The following NRG3 variants were observed in gnomAD, a reference collection of about 807,000 sequenced individuals.
The protein encoded by NRG3 is neuregulin 3.
NRG3 carries 31 observed loss-of-function variants against 66.9 expected under a neutral mutation model. That is an observed-to-expected ratio of 0.46 (90% CI 0.35 to 0.63). The LOEUF (loss-of-function observed/expected upper bound fraction) is 0.63, where lower values mean the gene tolerates loss of function less well. NRG3 is among the 20% of genes least tolerant of loss of function. The probability of loss-of-function intolerance (pLI) is 0.00; values close to 1 mark genes in which losing one functional copy is unlikely to be tolerated. For synonymous variants in NRG3, 393 were observed against 359.4 expected (o/e 1.09, Z -1.06); for missense variants, 910 against 878.9 (o/e 1.04, Z -0.45).
intron 4 of NRG3, among the ~76,000 whole-genome samples, chr10:82,917,170 C>T (rs1431011194): frequency 6.6e-6 from 1 of 152,118 alleles, no homozygotes; most frequent in Non-Finnish European, 1.5e-5. Context: ...TAAACAGGGT[C>T]CTAATATTGG....
intron 3 of NRG3, among the ~76,000 whole-genome samples, chr10:82,854,613 G>C (rs2063718507): frequency 6.6e-6 from 1 of 152,098 alleles, no homozygotes; most frequent in Non-Finnish European, 1.5e-5. Flanking sequence ...TTTAACGATG[G>C]ACAAGCCCGA....
intron 1 of NRG3, among the ~76,000 whole-genome samples, chr10:82,189,275 A>G (rs1214789311): frequency 1.3e-5 from 2 of 152,184 alleles, no homozygotes; most frequent in Non-Finnish European, 2.9e-5. Context: ...CAGAGATTTT[A>G]CCAAAATAAT....
At chr10:82,479,414 A>C (rs1162367098) in intron 2 of NRG3, among the ~76,000 whole-genome samples, 1 of 151,922 alleles carries the variant, frequency 6.6e-6, no homozygotes, top group Non-Finnish European at 1.5e-5. Context: ...TAGTAAAAAA[A>C]CTGGCCGGGC....
chr10:82,961,516 C>G (rs1850638697), intron 6 of NRG3, among the ~76,000 whole-genome samples: 1 of 152,182 alleles, frequency 6.6e-6, no homozygotes, highest in South Asian at 2.1e-4. Context: ...AGCTGAAAGA[C>G]AAACCAACAT....
chr10:82,412,209 T>TTG (rs1165957906), intron 2 of NRG3, among the ~76,000 whole-genome samples: 1 of 152,212 alleles, frequency 6.6e-6, no homozygotes, highest in Non-Finnish European at 1.5e-5. Flanking sequence ...GGAATTGTTT[T>TTG]AATTCAGTTG....
chr10:82,951,694 G>C, intron 5 of NRG3, 123 bp downstream of exon 5: 4 of 754,432 alleles, frequency 5.3e-6, no homozygotes, highest in Non-Finnish European at 8.9e-6. Context: ...GCAACAATCT[G>C]CAAGTGACTT....
chr10:82,483,981 T>C (rs1405233626), intron 2 of NRG3, among the ~76,000 whole-genome samples: 2 of 152,284 alleles, frequency 1.3e-5, no homozygotes, highest in East Asian at 1.9e-4. Context: ...GGAAATGTAA[T>C]TATAGTTCAA....
At chr10:82,531,994 G>A (rs573303502) in intron 2 of NRG3, among the ~76,000 whole-genome samples, 102 of 151,774 alleles carry the variant, frequency 6.7e-4, no homozygotes, top group African/African-American at 2.3e-3. Context: ...CTATAAATTT[G>A]ATTATTCTTT....
At chr10:82,820,727 A>G (rs1200926862) in intron 3 of NRG3, among the ~76,000 whole-genome samples, 1 of 152,224 alleles carries the variant, frequency 6.6e-6, no homozygotes, top group Non-Finnish European at 1.5e-5. Flanking sequence ...TAAAAAAACT[A>G]GCTATTTCTA....
intron 1 of NRG3, among the ~76,000 whole-genome samples, chr10:82,075,498 T>C (rs1455368702): frequency 1.3e-5 from 2 of 152,192 alleles, no homozygotes; most frequent in Admixed American, 6.5e-5. Context: ...GTGAATCTCA[T>C]GGTCAGCCCT....
At chr10:82,098,334 A>T (rs934072283) in intron 1 of NRG3, among the ~76,000 whole-genome samples, 8 of 149,192 alleles carry the variant, frequency 5.4e-5, no homozygotes, top group African/African-American at 2.1e-4. Context: ...TATATATATG[A>T]CATATATATA....
intron 1 of NRG3, among the ~76,000 whole-genome samples, chr10:82,333,282 C>T (rs1203604787): frequency 6.6e-6 from 1 of 152,170 alleles, no homozygotes; most frequent in Non-Finnish European, 1.5e-5. Context: ...AAATAGCCGC[C>T]ACACAAGGCA....
chr10:82,958,730 C>A (rs1210657986), intron 5 of NRG3, among the ~76,000 whole-genome samples: 1 of 152,122 alleles, frequency 6.6e-6, no homozygotes, highest in Non-Finnish European at 1.5e-5. Context: ...TGGGGTGCCA[C>A]TGAATGTGAA....
At chr10:81,922,754 G>T (rs1178698822) in intron 1 of NRG3, among the ~76,000 whole-genome samples, 1 of 152,018 alleles carries the variant, frequency 6.6e-6, no homozygotes, top group South Asian at 2.1e-4. Flanking sequence ...ATATTTGAAA[G>T]AATTTACGTG....
chr10:82,102,382 C>T (rs2066814437), intron 1 of NRG3, among the ~76,000 whole-genome samples: 1 of 150,356 alleles, frequency 6.7e-6, no homozygotes. Flanking sequence ...GAAGTCATTG[C>T]ATAGTAGGGC....
intron 1 of NRG3, among the ~76,000 whole-genome samples, chr10:82,356,342 A>G (rs1430281656): frequency 6.6e-6 from 1 of 152,240 alleles, no homozygotes. Context: ...AGTGAATATC[A>G]ATAAATGGAT....
At chr10:82,777,228 T>C (rs1423552447) in intron 3 of NRG3, among the ~76,000 whole-genome samples, 1 of 152,138 alleles carries the variant, frequency 6.6e-6, no homozygotes, top group African/African-American at 2.4e-5. Context: ...GTCTACACTG[T>C]AGGAGTTTGT....
chr10:82,680,173 G>A (rs2054010729), intron 2 of NRG3, among the ~76,000 whole-genome samples: 2 of 152,062 alleles, frequency 1.3e-5, no homozygotes, highest in African/African-American at 2.4e-5. Flanking sequence ...TACTATTGTT[G>A]CAATCATAGT....
chr10:82,564,664 G>A (rs550330316), intron 2 of NRG3, among the ~76,000 whole-genome samples: 1 of 152,162 alleles, frequency 6.6e-6, no homozygotes, highest in East Asian at 1.9e-4. Context: ...GATTCCAGGT[G>A]AATCCGGACA....
Sources: gnomAD v4.1 joint callset for allele counts (sites outside exome capture counted in the v4.1 genomes callset) on GRCh38, gnomAD v4.1.1 for gene constraint, MANE v1.5 for transcripts, NCBI Gene and HGNC (gene_info 2026-07-23, HGNC 2026-07-21) for gene names.